The following ARHGAP42 variants were observed in gnomAD, a reference collection of about 807,000 sequenced individuals.
ARHGAP42 encodes Rho GTPase activating protein 42.
Under a neutral mutation model 125.0 loss-of-function variants are expected in ARHGAP42, and 63 were observed. That is an observed-to-expected ratio of 0.50 (90% CI 0.41 to 0.62). ARHGAP42 has a LOEUF of 0.62. Ranked by LOEUF, ARHGAP42 falls within the 20% of genes least tolerant of loss-of-function variation. The pLI is 0.00. For synonymous variants in ARHGAP42, 339 were observed against 351.0 expected (o/e 0.97, Z 0.38); for missense variants, 766 against 1,024.2 (o/e 0.75, Z 3.44).
chr11:100,770,685 C>T (rs1259621878), intron 2 of ARHGAP42, among the ~76,000 whole-genome samples: 1 of 152,156 alleles, frequency 6.6e-6, no homozygotes, highest in East Asian at 1.9e-4. Context: ...TCAAGTGGTT[C>T]TCCTGTCTCA....
At chr11:100,958,256 G>A (rs566734059) in intron 12 of ARHGAP42, among the ~76,000 whole-genome samples, 95 of 148,968 alleles carry the variant, frequency 6.4e-4, no homozygotes, top group Middle Eastern at 3.4e-3. Context: ...TGGGGTTATT[G>A]GAAGCAAGCA....
At chr11:100,733,431 A>G (rs1314083496) in intron 1 of ARHGAP42, among the ~76,000 whole-genome samples, 2 of 152,208 alleles carry the variant, frequency 1.3e-5, no homozygotes, top group Admixed American at 6.5e-5. Flanking sequence ...CTAATTCTAC[A>G]TATACACTTG....
intron 6 of ARHGAP42, among the ~76,000 whole-genome samples, 191 bp downstream of exon 6, chr11:100,921,795 A>G (rs1363508376): frequency 2.6e-5 from 4 of 152,182 alleles, no homozygotes. Context: ...ACAATAGAGT[A>G]GTGATGGGTG....
chr11:100,754,204 C>T (rs1419976627), intron 1 of ARHGAP42, among the ~76,000 whole-genome samples: 2 of 152,174 alleles, frequency 1.3e-5, no homozygotes, highest in African/African-American at 2.4e-5. Context: ...TAAGATTCCC[C>T]TTAACTATAG....
chr11:100,869,653 T>TCC (rs1290310693), intron 4 of ARHGAP42, among the ~76,000 whole-genome samples: 2 of 152,122 alleles, frequency 1.3e-5, no homozygotes, highest in African/African-American at 4.8e-5. Flanking sequence ...AGGAACATAA[T>TCC]CAAGAAGCCA....
chr11:100,762,970 ATTTTTTTTTT>A (rs553749625), intron 1 of ARHGAP42, among the ~76,000 whole-genome samples: 11 of 85,018 alleles, frequency 1.3e-4, no homozygotes, highest in Non-Finnish European at 1.8e-4. Flanking sequence ...GTTTATAGTG[ATTTTTTTTTT>A]TTTTTTTTTT....
At chr11:100,699,803 A>G (rs1028035568) in intron 1 of ARHGAP42, among the ~76,000 whole-genome samples, 1 of 152,020 alleles carries the variant, frequency 6.6e-6, no homozygotes, top group Non-Finnish European at 1.5e-5. Flanking sequence ...GATTACAGGC[A>G]TGAGCCACCA....
intron 12 of ARHGAP42, among the ~76,000 whole-genome samples, chr11:100,957,945 G>A (rs1319113920): frequency 6.6e-6 from 1 of 151,972 alleles, no homozygotes; most frequent in Non-Finnish European, 1.5e-5. Flanking sequence ...TTTGTTGAAA[G>A]GAAGTTCTAT....
intron 2 of ARHGAP42, among the ~76,000 whole-genome samples, chr11:100,779,528 G>GCGTATATATATACATATACATA (rs1863230149): frequency 1.2e-5 from 1 of 86,278 alleles, no homozygotes; most frequent in African/African-American, 3.9e-5. Context: ...ACGTATACAT[G>GCGTATATATATACATATACATA]CGTATATATA....
chr11:100,765,778 C>T (rs1295039685), intron 1 of ARHGAP42, among the ~76,000 whole-genome samples: 2 of 152,160 alleles, frequency 1.3e-5, no homozygotes, highest in South Asian at 4.1e-4. Flanking sequence ...ACACATATAT[C>T]GAGACAGATT....
chr11:100,945,046 G>A (rs1298688029), intron 10 of ARHGAP42, among the ~76,000 whole-genome samples: 1 of 152,044 alleles, frequency 6.6e-6, no homozygotes, highest in African/African-American at 2.4e-5. Context: ...CTGCCCTACT[G>A]CACTGTCAGC....
At chr11:100,923,498 G>A (rs553462770) in intron 6 of ARHGAP42, among the ~76,000 whole-genome samples, 2 of 151,124 alleles carry the variant, frequency 1.3e-5, no homozygotes, top group South Asian at 4.2e-4. Flanking sequence ...ATCCTATCTG[G>A]GAATAGTGAA....
chr11:100,908,812 A>G (rs976486589), intron 4 of ARHGAP42, among the ~76,000 whole-genome samples: 3 of 152,198 alleles, frequency 2.0e-5, no homozygotes, highest in Non-Finnish European at 4.4e-5. Flanking sequence ...AGTTCTTTGC[A>G]AAACCTTCAT....
At chr11:100,985,006 T>C (rs188520241) in intron 22 of ARHGAP42, among the ~76,000 whole-genome samples, 2 of 152,190 alleles carry the variant, frequency 1.3e-5, no homozygotes, top group African/African-American at 4.8e-5. Context: ...TGAAAAGTCA[T>C]GACAGGTAGT....
In ARHGAP42 at chr11:100,974,421, C is replaced by G. The variant is rs1193178328; in HGVS notation, c.1711-38C>G. ...TTTTATAATGAAAGTGGCAATATCA[C>G]CCTTTTATTGACCTTGGTCCATTTT... On this transcript the variant is annotated intron_variant, in intron 18 of 23. Coordinates refer to ENST00000298815, the MANE Select transcript of ARHGAP42 (RefSeq NM_152432.4). 4 of 1,538,254 alleles carry G rather than the reference C, an allele frequency of 2.6e-6. No individual in the cohort carries two copies. In the South Asian group the frequency reaches 3.6e-5, roughly 14 times the overall value.
At chr11:100,972,939 G>GT (rs906002633) in intron 17 of ARHGAP42, among the ~76,000 whole-genome samples, 3 of 151,978 alleles carry the variant, frequency 2.0e-5, no homozygotes, top group South Asian at 2.1e-4. Context: ...GAAATTAGGG[G>GT]TTTTTTTCTT....
intron 16 of ARHGAP42, among the ~76,000 whole-genome samples, chr11:100,962,815 A>G (rs1274271147): frequency 6.6e-6 from 1 of 152,114 alleles, no homozygotes; most frequent in Non-Finnish European, 1.5e-5. Context: ...GGCGGAGGTT[A>G]TGGTGAGTCG....
At chr11:100,849,019 TA>T (rs1365394870) in intron 3 of ARHGAP42, among the ~76,000 whole-genome samples, 1 of 152,178 alleles carries the variant, frequency 6.6e-6, no homozygotes, top group Non-Finnish European at 1.5e-5. Context: ...AGAAGAATCT[TA>T]AACAGCCTCA....
intron 4 of ARHGAP42, among the ~76,000 whole-genome samples, chr11:100,882,091 C>G (rs976546044): frequency 1.2e-4 from 19 of 152,146 alleles, no homozygotes; most frequent in African/African-American, 3.9e-4. Context: ...ACTTCTTTCT[C>G]TTGTCTGATT....
Sources: gnomAD v4.1 joint callset for allele counts (sites outside exome capture counted in the v4.1 genomes callset) on GRCh38, gnomAD v4.1.1 for gene constraint, MANE v1.5 for transcripts, NCBI Gene and HGNC (gene_info 2026-07-23, HGNC 2026-07-21) for gene names.